PAM: variants seen among roughly 807,000 people sequenced by gnomAD.
PAM encodes the protein peptidyl-glycine alpha-amidating monooxygenase.
In PAM, 72 loss-of-function variants were observed where a neutral mutation model predicts 122.1. The observed-to-expected ratio is 0.59, with a 90% confidence interval of 0.49 to 0.72. The LOEUF (loss-of-function observed/expected upper bound fraction) is 0.72. PAM is among the 30% of genes least tolerant of loss of function. PAM has a pLI of 0.00. For missense variants in PAM, 1,106 were observed against 1,183.7 expected, an observed-to-expected ratio of 0.93 and a Z score of 0.96; for synonymous variants, 389 against 404.4, an observed-to-expected ratio of 0.96 and a Z score of 0.46.
chr5:102,761,263 A>G lies in PAM; in HGVS notation c.-374+5915A>G, dbSNP rs150719899. ...ATAATACTTTAAAGTACAACTTTAAATGACACCGCAGAATTAAGGAAACAA... is the reference window on the plus strand; with the variant it reads ...ATAATACTTTAAAGTACAACTTTAAGTGACACCGCAGAATTAAGGAAACAA... On this transcript the variant is annotated intron_variant, in intron 1 of 25. Transcript: ENST00000438793. Among the ~76,000 whole-genome samples the G allele has an allele frequency of 3.1e-3, 471 of 152,374 alleles. 2 individuals carry two copies. Among genetic ancestry groups the G allele is most frequent in the African/African-American group, 5.8e-3 (240 of 41,594 alleles).
intron 16 of PAM, 31 bp from the exon 17 acceptor site, chr5:103,003,002 T>C (rs1277865303): frequency 5.2e-6 from 5 of 957,222 alleles, no homozygotes; most frequent in Non-Finnish European, 8.6e-6. Flanking sequence ...TTTATGATTG[T>C]TTCATGTCCT....
Position 102,924,962 on chromosome 5 carries a change from G to T in PAM, c.362G>T (p.Cys121Phe), listed in dbSNP as rs1748915513. 6.7e-7 allele frequency: 1 copy of T among 1,499,790 alleles called. No homozygotes were observed. Among genetic ancestry groups the T allele is most frequent in the South Asian group, 1.1e-5 (1 of 88,558 alleles). 92.9% of individuals were successfully genotyped at this position (1,499,790 alleles called of 1,614,324 possible). A position where few individuals can be genotyped will look rare whatever the true frequency, so the allele number is the denominator to read the frequency against. The change falls in exon 6 of 26, where the codon TGT (cysteine) becomes TTT (phenylalanine). Residue 121 changes from cysteine (C) to phenylalanine (F), a missense_variant. This residue lies in a region of PAM where 670 missense variants were observed against 690.3 expected (regional missense o/e 0.97). Coordinates refer to ENST00000438793, the MANE Select transcript of PAM (RefSeq NM_001177306.2). ...CTACTTTTTATTTTCTTCAGGTTTTGTGATGAAGGAACCTGTACAGATAAA... is the reference window on the plus strand; with the variant it reads ...CTACTTTTTATTTTCTTCAGGTTTTTTGATGAAGGAACCTGTACAGATAAA... ...MPSSTGSYWF[C>F]DEGTCTDKAN...
chr5:102,834,575 G>C (rs566365937), intron 1 of PAM, among the ~76,000 whole-genome samples: 1 of 152,150 alleles, frequency 6.6e-6, no homozygotes, highest in East Asian at 1.9e-4. Context: ...TAAATAATGA[G>C]GTCAAGGAAG....
rs533310979 is a variant in PAM, at chr5:102,857,660, T to C, written c.-373-8163T>C. 1.1e-4 allele frequency among the ~76,000 whole-genome samples: 17 copies of C among 152,332 alleles called. No individual in the cohort carries two copies. In the East Asian group the frequency reaches 2.3e-3, roughly 21 times the overall value. ...GTGTTTATGTCCTGGCTGGGTACCA[T>C]GGGCATGTTACCAATTCGCTTTGTG... is the stretch of plus-strand genomic sequence containing the variant. On this transcript the variant is annotated intron_variant, in intron 1 of 25. Coordinates refer to ENST00000438793, the MANE Select transcript of PAM (RefSeq NM_001177306.2).
chr5:102,943,265 G>T (rs910780005), intron 7 of PAM, among the ~76,000 whole-genome samples: 8 of 152,148 alleles, frequency 5.3e-5, no homozygotes, highest in African/African-American at 1.9e-4. Flanking sequence ...GATCATCTAA[G>T]AACGTAAGAT....
intron 1 of PAM, chr5:102,837,799 C>G (rs1777503050): frequency 6.6e-6 from 1 of 152,104 alleles, no homozygotes; most frequent in Admixed American, 6.5e-5. Context: ...TTAGGTAAGT[C>G]ATTTGAAGAT....
chr5:102,908,215 T>C (rs903293126), intron 4 of PAM, among the ~76,000 whole-genome samples: 11 of 152,176 alleles, frequency 7.2e-5, no homozygotes, highest in African/African-American at 2.6e-4. Context: ...CCCAGCACCA[T>C]TTATTAAATA....
chr5:102,960,601 G>A (rs1376113252), intron 13 of PAM, among the ~76,000 whole-genome samples: 1 of 151,780 alleles, frequency 6.6e-6, no homozygotes, highest in Non-Finnish European at 1.5e-5. Flanking sequence ...CTGCAAAATG[G>A]TCATATTGAC....
Position 102,866,215 on chromosome 5 carries a change from G to T in PAM, c.20G>T (p.Ser7Ile). MAGRVPSLLVLLVFPSS... is the reference protein window; with the variant it reads MAGRVPILLVLLVFPSS... The stretch of plus-strand genomic sequence containing the variant: ...GTGGACATGGCTGGCCGCGTCCCTA[G>T]CCTGCTAGTTCTCCTTGTTTTTCCA... The change falls in exon 2 of 26, where the codon AGC becomes ATC. Residue 7 changes from serine to isoleucine, a missense_variant. Transcript: ENST00000438793. 1 of 1,613,384 alleles carries T rather than the reference G, an allele frequency of 6.2e-7. No individual in the cohort carries two copies. Among genetic ancestry groups the T allele is most frequent in the South Asian group, 1.1e-5 (1 of 91,070 alleles).
intron 3 of PAM, among the ~76,000 whole-genome samples, chr5:102,887,506 C>T (rs73175405): frequency 0.045 from 6,856 of 151,758 alleles, 332 homozygotes; most frequent in East Asian, 0.18. Context: ...TGGACTAAGA[C>T]AGTTGTGTTC....
chr5:103,011,400 A>ACACT lies in PAM; in HGVS notation c.2331+1535_2331+1536insACTC, dbSNP rs1554179596. Reference sequence around the variant, plus strand: ...CACTCACACACACACACACACACACACTCTCTCTCTCTGTCCCATACCCTT... The same window carrying ACACT: ...CACTCACACACACACACACACACACACACTCTCTCTCTCTCTGTCCCATACCCTT... On this transcript the variant is annotated intron_variant, in intron 21 of 25. Coordinates refer to ENST00000438793, the MANE Select transcript of PAM (RefSeq NM_001177306.2). 3.6e-3 allele frequency among the ~76,000 whole-genome samples: 447 copies of ACACT among 124,898 alleles called. 1 individual carries two copies. The highest frequency in any genetic ancestry group is 6.1e-3 in the Non-Finnish European group (348 of 57,132). The allele number at this position is 124,898 out of a possible 152,430, so 81.9% of individuals were successfully genotyped here. A position where few individuals can be genotyped will look rare whatever the true frequency, so the allele number is the denominator to read the frequency against.
At chr5:102,773,023 G>A (rs1424058276) in intron 1 of PAM, among the ~76,000 whole-genome samples, 1 of 152,020 alleles carries the variant, frequency 6.6e-6, no homozygotes, top group Non-Finnish European at 1.5e-5. Context: ...AATTTTAATG[G>A]GTGTTACTTG....
intron 3 of PAM, chr5:102,895,826 T>C (rs1454557043): frequency 6.6e-6 from 1 of 151,728 alleles, no homozygotes; most frequent in East Asian, 1.9e-4. Flanking sequence ...TACATACAGT[T>C]AGTTTCTAAT....
chr5:102,830,738 A>G (rs541287435), intron 1 of PAM, among the ~76,000 whole-genome samples: 8 of 152,298 alleles, frequency 5.3e-5, no homozygotes, highest in South Asian at 2.1e-4. Context: ...GCCCATGCCT[A>G]TTTCCCCTGG....
At position 102,961,186 on chromosome 5, in the gene PAM, A is replaced by G. The variant is rs1056707076; in HGVS notation, c.1119A>G (p.Leu373=). The G allele has an allele frequency of 1.9e-6, 3 of 1,582,320 alleles. No individual in the cohort carries two copies. Among genetic ancestry groups the G allele is most frequent in the Non-Finnish European group, 2.6e-6 (3 of 1,151,738 alleles). The change falls in exon 14 of 26, where the codon TTA becomes TTG. Residue 373 remains leucine (L), a synonymous_variant. Coordinates refer to ENST00000438793, the MANE Select transcript of PAM (RefSeq NM_001177306.2). ...KETEYKDKIP[L]LQQPKREEEE... ...CAGAATATAAAGATAAGATTCCTTT[A>G]CTACAGCAGCCAAAACGAGAAGAAG... is the stretch of plus-strand genomic sequence containing the variant.
At chr5:102,807,837 G>C (rs1171669723) in intron 1 of PAM, among the ~76,000 whole-genome samples, 1 of 152,206 alleles carries the variant, frequency 6.6e-6, no homozygotes, top group East Asian at 1.9e-4. Context: ...GCCTTCGTCA[G>C]AGCTTCAGAT....
chr5:102,761,967 TG>T (rs1395398178), intron 1 of PAM, among the ~76,000 whole-genome samples: 2 of 152,256 alleles, frequency 1.3e-5, no homozygotes, highest in Non-Finnish European at 2.9e-5. Context: ...CGAGGTCATA[TG>T]CTATTAGGGT....
intron 15 of PAM, among the ~76,000 whole-genome samples, chr5:102,986,860 T>C (rs1331496300): frequency 6.6e-6 from 1 of 152,152 alleles, no homozygotes; most frequent in East Asian, 1.9e-4. Flanking sequence ...CATTCTCTCT[T>C]GTCTGCCAGC....
chr5:102,846,737 CTA>C (rs1284260220), intron 1 of PAM, among the ~76,000 whole-genome samples: 5 of 152,196 alleles, frequency 3.3e-5, no homozygotes, highest in African/African-American at 1.2e-4. Context: ...TGCTTGATCT[CTA>C]TCTCTTTTCT....
Sources: gnomAD v4.1 joint callset for allele counts (sites outside exome capture counted in the v4.1 genomes callset) on GRCh38, gnomAD v4.1.1 for gene constraint, gnomAD v4.1.1 regional missense constraint, MANE v1.5 for transcripts, NCBI Gene and HGNC (gene_info 2026-07-23, HGNC 2026-07-21) for gene names.